The following ULK4 variants were observed in gnomAD, a reference collection of about 807,000 sequenced individuals.
ULK4 encodes inactive serine/threonine-protein kinase ULK4.
Under a neutral mutation model 160.6 loss-of-function variants are expected in ULK4, and 133 were observed. That is an observed-to-expected ratio of 0.83 (90% CI 0.72 to 0.96). ULK4 has a LOEUF of 0.96. Among genes scored for constraint, ULK4 ranks in the 40% least tolerant of loss-of-function variants. ULK4 has a pLI of 0.00. For missense variants in ULK4, 1,580 were observed against 1,499.5 expected (o/e 1.05, Z -0.89); for synonymous variants, 534 against 539.8 (o/e 0.99, Z 0.15).
chr3:41,635,396 AATT>A (rs1371865819), intron 30 of ULK4, among the ~76,000 whole-genome samples: 15 of 152,092 alleles, frequency 9.9e-5, no homozygotes, highest in South Asian at 2.1e-4. Flanking sequence ...TATAAAAAAT[AATT>A]ATTAAGAATT....
chr3:41,419,698 G>A (rs2082615093), intron 34 of ULK4, among the ~76,000 whole-genome samples: 1 of 152,094 alleles, frequency 6.6e-6, no homozygotes, highest in Admixed American at 6.6e-5. Context: ...CAACTTCACT[G>A]GAGCAAAGTG....
intron 22 of ULK4, among the ~76,000 whole-genome samples, chr3:41,746,265 G>A (rs1307003339): frequency 7.6e-5 from 4 of 52,774 alleles, no homozygotes; most frequent in East Asian, 9.8e-4. Context: ...AAATCTCCTG[G>A]AACCCACAAA....
intron 22 of ULK4, among the ~76,000 whole-genome samples, chr3:41,741,515 T>C (rs528153892): frequency 1.3e-4 from 20 of 152,086 alleles, no homozygotes; most frequent in South Asian, 1.2e-3. Context: ...ATTCACCACT[T>C]AGAAATAATG....
rs76042323 is a variant in ULK4, at chr3:41,355,929, A to C, written c.3678+42150T>G. Among the ~76,000 whole-genome samples the C allele has an allele frequency of 1.0e-2, 1,520 of 152,308 alleles. 14 individuals carry two copies. The highest frequency in any genetic ancestry group is 0.027 in the African/African-American group (1,110 of 41,562). On this transcript the variant is annotated intron_variant, in intron 35 of 36. Coordinates refer to ENST00000301831, the MANE Select transcript of ULK4 (RefSeq NM_017886.4). ...CTAGCTTAAAAATGTCATCAAATTC[A>C]AAACAGAAAACTTGAGAACAAATAC...
chr3:41,431,432 A>G (rs1486055696), intron 34 of ULK4, among the ~76,000 whole-genome samples: 4 of 150,652 alleles, frequency 2.7e-5, no homozygotes, highest in Admixed American at 2.0e-4. Context: ...AAGAGATAAA[A>G]GCAAACATCC....
chr3:41,665,210 C>G (rs1181207976), intron 29 of ULK4, among the ~76,000 whole-genome samples: 1 of 152,122 alleles, frequency 6.6e-6, no homozygotes, highest in Non-Finnish European at 1.5e-5. Flanking sequence ...TTTTGGAAAT[C>G]ATTGTATAAC....
chr3:41,408,462 C>T (rs190443110), intron 34 of ULK4, among the ~76,000 whole-genome samples: 6 of 147,490 alleles, frequency 4.1e-5, no homozygotes, highest in Admixed American at 2.7e-4. Context: ...AATTAAAGAG[C>T]GTCTACATAA....
At chr3:41,881,749 C>A (rs1356673654) in intron 17 of ULK4, among the ~76,000 whole-genome samples, 3 of 152,046 alleles carry the variant, frequency 2.0e-5, no homozygotes, top group African/African-American at 7.2e-5. Context: ...ACTAATAAAG[C>A]ATCAGCAAAT....
chr3:41,465,618 G>C (rs1202631818), intron 32 of ULK4, among the ~76,000 whole-genome samples: 3 of 152,054 alleles, frequency 2.0e-5, no homozygotes, highest in African/African-American at 7.2e-5. Context: ...GGATAAATTA[G>C]AACAGTTTTC....
intron 29 of ULK4, among the ~76,000 whole-genome samples, chr3:41,669,484 C>T (rs1442397536): frequency 6.6e-6 from 1 of 152,186 alleles, no homozygotes; most frequent in Non-Finnish European, 1.5e-5. Flanking sequence ...TCTCAAACTG[C>T]TAGGCTCTAG....
At chr3:41,249,351 G>A in intron 36 of ULK4, 138 bp downstream of exon 36, 2 of 746,838 alleles carry the variant, frequency 2.7e-6, no homozygotes, top group Admixed American at 3.1e-5. Context: ...CACTGGGAAG[G>A]ATCTCAGTGG....
intron 30 of ULK4, among the ~76,000 whole-genome samples, chr3:41,661,506 T>TAGAG (rs201036271): frequency 0.018 from 2,128 of 115,204 alleles, 46 homozygotes; most frequent in African/African-American, 0.13. Flanking sequence ...GATAGATAGA[T>TAGAG]AGATGATAGA....
chr3:41,762,375 G>C (rs536622169), intron 21 of ULK4, among the ~76,000 whole-genome samples: 139 of 151,806 alleles, frequency 9.2e-4, no homozygotes, highest in African/African-American at 3.2e-3. Flanking sequence ...CTACCCAAAA[G>C]AATTTAAAAT....
intron 34 of ULK4, among the ~76,000 whole-genome samples, chr3:41,448,840 T>G (rs186456241): frequency 6.6e-6 from 1 of 152,174 alleles, no homozygotes; most frequent in Admixed American, 6.5e-5. Context: ...GGAAGTTAGT[T>G]TCATTCACTG....
chr3:41,408,039 A>C (rs1473602020), intron 34 of ULK4, among the ~76,000 whole-genome samples: 1 of 152,166 alleles, frequency 6.6e-6, no homozygotes, highest in Non-Finnish European at 1.5e-5. Context: ...TCTATACACT[A>C]ACAATGAACA....
rs957083832 is a variant in ULK4, at chr3:41,668,325, C to T, written c.2979-4626G>A. Among the ~76,000 whole-genome samples, 7 of 152,268 alleles carry T rather than the reference C, an allele frequency of 4.6e-5. No homozygotes were observed. The South Asian group carries it at 6.2e-4, about 14-fold the overall frequency. Reference sequence around the variant, plus strand: ...ATAATTATTACATATAAAGAATACACGTATACAGTCATGTGCCACATAATG... The same window carrying T: ...ATAATTATTACATATAAAGAATACATGTATACAGTCATGTGCCACATAATG... On this transcript the variant is annotated intron_variant, in intron 29 of 36. Coordinates refer to ENST00000301831, the MANE Select transcript of ULK4 (RefSeq NM_017886.4).
chr3:41,283,337 C>T (rs2079395669), intron 35 of ULK4, among the ~76,000 whole-genome samples: 1 of 152,186 alleles, frequency 6.6e-6, no homozygotes, highest in African/African-American at 2.4e-5. Context: ...ACTGTAAAGA[C>T]ACATGCACAC....
At chr3:41,854,585 T>C (rs1420350745) in intron 17 of ULK4, among the ~76,000 whole-genome samples, 1 of 152,084 alleles carries the variant, frequency 6.6e-6, no homozygotes, top group East Asian at 1.9e-4. Flanking sequence ...ATGCTTGATA[T>C]TTAATAAGAA....
At chr3:41,674,747 G>A (rs1217640101) in intron 29 of ULK4, among the ~76,000 whole-genome samples, 1 of 152,164 alleles carries the variant, frequency 6.6e-6, no homozygotes, top group Non-Finnish European at 1.5e-5. Flanking sequence ...GTCAATGCAT[G>A]ACACGGATTT....
Sources: gnomAD v4.1 joint callset for allele counts (sites outside exome capture counted in the v4.1 genomes callset) on GRCh38, gnomAD v4.1.1 for gene constraint, MANE v1.5 for transcripts, NCBI Gene and HGNC (gene_info 2026-07-23, HGNC 2026-07-21) for gene names.